The following APBB1IP variants were observed in gnomAD, a reference collection of about 807,000 sequenced individuals.
APBB1IP encodes amyloid beta A4 precursor protein-binding family B member 1-interacting protein.
A neutral mutation model predicts 64.9 loss-of-function variants in APBB1IP; 27 were observed. That is an observed-to-expected ratio of 0.42 (90% CI 0.31 to 0.57). The LOEUF (loss-of-function observed/expected upper bound fraction) is 0.57. APBB1IP is among the 20% of genes least tolerant of loss of function. The pLI, the probability that APBB1IP is intolerant of heterozygous loss-of-function variation, is 0.20. For missense variants in APBB1IP, 812 were observed against 845.5 expected (o/e 0.96, Z 0.49); for synonymous variants, 392 against 331.0 (o/e 1.18, Z -2.00).
At chr10:26,496,263 T>G (rs2132433728) in intron 3 of APBB1IP, 41 bp from the exon 4 acceptor site, 1 of 1,451,996 alleles carries the variant, frequency 6.9e-7, no homozygotes, top group South Asian at 1.2e-5. Flanking sequence ...CAGAAATGTT[T>G]GTATCATGAA....
intron 14 of APBB1IP, among the ~76,000 whole-genome samples, chr10:26,563,183 TA>T (rs778069190): frequency 3.1e-4 from 47 of 152,158 alleles, no homozygotes; most frequent in Non-Finnish European, 6.0e-4. Context: ...AGAAGACTGC[TA>T]AAAGAGCTAC....
chr10:26,483,092 T>TAAA lies in APBB1IP; in HGVS notation c.1-9213_1-9211dup, dbSNP rs35069320. On this transcript the variant is annotated intron_variant, in intron 2 of 14. Transcript: ENST00000376236. ...GCAACAAGAGCAAAACTCCATCTGA[T>TAAA]AAAAAAAAAAAAAAAAAAAAAAAAG... is the stretch of plus-strand genomic sequence containing the variant. Among the ~76,000 whole-genome samples the TAAA allele has an allele frequency of 2.4e-3, 162 of 66,644 alleles. 2 individuals carry two copies. Among genetic ancestry groups the TAAA allele is most frequent in the Middle Eastern group, 0.012 (1 of 82 alleles). The allele number at this position is 66,644 out of a possible 152,430, so 43.7% of individuals were successfully genotyped here. A position where few individuals can be genotyped will look rare whatever the true frequency, so the allele number is the denominator to read the frequency against.
chr10:26,458,896 G>A (rs1835557164), intron 2 of APBB1IP, among the ~76,000 whole-genome samples: 1 of 151,964 alleles, frequency 6.6e-6, no homozygotes, highest in Non-Finnish European at 1.5e-5. Flanking sequence ...ATTAAATTGT[G>A]TATAAGTGTG....
At chr10:26,456,905 A>G (rs1008583383) in intron 2 of APBB1IP, among the ~76,000 whole-genome samples, 2 of 152,096 alleles carry the variant, frequency 1.3e-5, no homozygotes, top group African/African-American at 4.8e-5. Context: ...TAGCTGGGGA[A>G]AGTGTGGGAC....
chr10:26,442,143 C>T (rs1388926803), intron 2 of APBB1IP, among the ~76,000 whole-genome samples: 1 of 152,152 alleles, frequency 6.6e-6, no homozygotes, highest in Non-Finnish European at 1.5e-5. Flanking sequence ...GAGTTGAGTG[C>T]TGTGGGACTA....
At chr10:26,501,194 C>T in intron 5 of APBB1IP, 83 bp downstream of exon 5, 1 of 1,571,774 alleles carries the variant, frequency 6.4e-7, no homozygotes, top group Non-Finnish European at 8.7e-7. Flanking sequence ...CATTACATTC[C>T]TAAGTTGGTA....
intron 2 of APBB1IP, among the ~76,000 whole-genome samples, chr10:26,490,028 A>AGAAGAAGAAGAG (rs1835936315): frequency 6.6e-6 from 1 of 152,182 alleles, no homozygotes; most frequent in Non-Finnish European, 1.5e-5. Context: ...CCATCTCAAA[A>AGAAGAAGAAGAG]GAAGAAGAAG....
intron 11 of APBB1IP, among the ~76,000 whole-genome samples, chr10:26,545,579 T>C (rs1390692582): frequency 6.6e-6 from 1 of 151,792 alleles, no homozygotes; most frequent in African/African-American, 2.4e-5. Flanking sequence ...GCTAACACGG[T>C]GAAACCCCGT....
At chr10:26,532,561 A>G (rs1283358518) in intron 8 of APBB1IP, among the ~76,000 whole-genome samples, 1 of 152,012 alleles carries the variant, frequency 6.6e-6, no homozygotes, top group Non-Finnish European at 1.5e-5. Flanking sequence ...AGCTTACTGC[A>G]GCCTCAAACT....
At chr10:26,439,585 C>T (rs971593602) in intron 2 of APBB1IP, among the ~76,000 whole-genome samples, 2 of 152,170 alleles carry the variant, frequency 1.3e-5, no homozygotes, top group East Asian at 3.8e-4. Context: ...AGACCTAGCC[C>T]GGTGTACCTC....
intron 2 of APBB1IP, among the ~76,000 whole-genome samples, chr10:26,474,490 G>T (rs986240625): frequency 6.6e-6 from 1 of 152,170 alleles, no homozygotes; most frequent in South Asian, 2.1e-4. Context: ...TCCAGTTGAT[G>T]TTGAATGTTC....
intron 14 of APBB1IP, among the ~76,000 whole-genome samples, chr10:26,564,348 G>A (rs1400955968): frequency 6.6e-6 from 1 of 152,136 alleles, no homozygotes; most frequent in Non-Finnish European, 1.5e-5. Flanking sequence ...GGCCAAATTT[G>A]GCATGCTGGT....
chr10:26,536,128 T>C lies in APBB1IP; in HGVS notation c.955T>C (p.Leu319=). ...ACCAGAACTGGAAGGAGCTCTTTATTTGAAAGAAGATGGAAAGAAATCCTG... is the reference window on the plus strand; with the variant it reads ...ACCAGAACTGGAAGGAGCTCTTTATCTGAAAGAAGATGGAAAGAAATCCTG... ...IVPELEGALY[L]KEDGKKSWKR... is the part of the protein sequence containing the mutation. The change falls in exon 10 of 15, where the codon TTG becomes CTG. Residue 319 remains leucine, a synonymous_variant. Transcript: ENST00000376236. 1.2e-6 allele frequency: 2 copies of C among 1,609,044 alleles called. No individual in the cohort carries two copies. The highest frequency in any genetic ancestry group is 1.7e-6 in the Non-Finnish European group (2 of 1,178,250).
At chr10:26,506,628 C>T (rs1447257340) in intron 6 of APBB1IP, among the ~76,000 whole-genome samples, 2 of 152,034 alleles carry the variant, frequency 1.3e-5, no homozygotes, top group Non-Finnish European at 2.9e-5. Flanking sequence ...AGGATTGCTT[C>T]GCCTGGCCTA....
chr10:26,453,570 G>A, intron 2 of APBB1IP, among the ~76,000 whole-genome samples: 1 of 152,092 alleles, frequency 6.6e-6, no homozygotes, highest in East Asian at 1.9e-4. Context: ...CAGATTTGGT[G>A]TTTGTCCCCT....
chr10:26,561,388 CT>C (rs34667769), intron 13 of APBB1IP, among the ~76,000 whole-genome samples: 10,084 of 122,422 alleles, frequency 0.082, 333 homozygotes, highest in Non-Finnish European at 0.1. Flanking sequence ...TTCTTCTTTG[CT>C]TTTTTTTTTT....
intron 2 of APBB1IP, among the ~76,000 whole-genome samples, chr10:26,442,702 C>A (rs955730918): frequency 1.3e-5 from 2 of 152,152 alleles, no homozygotes; most frequent in Non-Finnish European, 2.9e-5. Context: ...TAAATAACAA[C>A]AAATAATAAT....
intron 8 of APBB1IP, among the ~76,000 whole-genome samples, chr10:26,533,209 TG>T (rs1354325702): frequency 1.3e-5 from 2 of 152,216 alleles, no homozygotes. Flanking sequence ...CTATCTTCTG[TG>T]TTTTCATTGA....
chr10:26,523,010 C>CAAA (rs35641109), intron 8 of APBB1IP, among the ~76,000 whole-genome samples: 39 of 64,604 alleles, frequency 6.0e-4, no homozygotes, highest in East Asian at 1.2e-3. Context: ...ACTCCATCTC[C>CAAA]AAAAAAAAAA....
Sources: gnomAD v4.1 joint callset for allele counts (sites outside exome capture counted in the v4.1 genomes callset) on GRCh38, gnomAD v4.1.1 for gene constraint, MANE v1.5 for transcripts, NCBI Gene and HGNC (gene_info 2026-07-23, HGNC 2026-07-21) for gene names.